DTNA: variants seen among roughly 807,000 people sequenced by gnomAD.
DTNA encodes the protein dystrobrevin alpha.
DTNA carries 43 observed loss-of-function variants against 100.7 expected under a neutral mutation model. The observed-to-expected ratio is 0.43, with a 90% CI of 0.33 to 0.55. The LOEUF is 0.55. DTNA is among the 20% of genes least tolerant of loss of function. DTNA has a pLI of 0.04. For missense variants in DTNA, 798 were observed against 953.9 expected (o/e 0.84, Z 2.15); for synonymous variants, 349 against 347.9 (o/e 1.00, Z -0.04).
chr18:34,710,042 ATTAG>A (rs532145172), upstream of DTNA, among the ~76,000 whole-genome samples: 342 of 152,310 alleles, frequency 2.2e-3, no homozygotes, highest in African/African-American at 7.9e-3. Context: ...GAGATATTTC[ATTAG>A]TTAGTTGGGA....
Position 34,887,829 on chromosome 18 carries a change from G to A in DTNA, c.*95G>A. The A allele has an allele frequency of 1.0e-6, 1 of 986,108 alleles. No homozygotes were observed. Among genetic ancestry groups the A allele is most frequent in the Non-Finnish European group, 1.2e-6 (1 of 830,036 alleles). The allele number at this position is 986,108 out of a possible 1,614,324, so 61.1% of individuals were successfully genotyped here. Reference sequence around the variant, plus strand: ...AACTGGTGATGATGGAGAGCCCTGTGGCCACACAGAGGAGGAAGACAGCAG... The same window carrying A: ...AACTGGTGATGATGGAGAGCCCTGTAGCCACACAGAGGAGGAAGACAGCAG... On this transcript the variant is annotated 3_prime_UTR_variant, in exon 23 of 23. Transcript: ENST00000444659.
intron 1 of DTNA, among the ~76,000 whole-genome samples, chr18:34,697,186 A>C (rs765107051): frequency 1.3e-5 from 2 of 152,162 alleles, no homozygotes; most frequent in Non-Finnish European, 2.9e-5. Context: ...TTGAATCTCC[A>C]CCACCATTCC....
chr18:34,776,873 C>T lies in DTNA; in HGVS notation c.148+10832C>T, dbSNP rs373276317. Among the ~76,000 whole-genome samples, 28 of 152,328 alleles carry T rather than the reference C, an allele frequency of 1.8e-4. No homozygotes were observed. In the East Asian group the frequency reaches 3.5e-3, roughly 19 times the overall value. On this transcript the variant is annotated intron_variant, in intron 3 of 22. Coordinates refer to ENST00000444659, the MANE Select transcript of DTNA (RefSeq NM_001386795.1). ...GTTACTCTGTTCCATCCACCATTGG[C>T]CTCCTTACTTCACTGGGAACATACC...
intron 3 of DTNA, among the ~76,000 whole-genome samples, chr18:34,767,069 G>A (rs530604189): frequency 9.2e-5 from 14 of 151,928 alleles, no homozygotes; most frequent in South Asian, 4.2e-4. Flanking sequence ...GTGTAAGAAC[G>A]TTTTCTTTTC....
At chr18:34,854,667 A>G (rs563988096) in intron 15 of DTNA, among the ~76,000 whole-genome samples, 1 of 152,292 alleles carries the variant, frequency 6.6e-6, no homozygotes, top group South Asian at 2.1e-4. Context: ...ATCATTCCAT[A>G]ATCCCTTCTC....
intron 1 of DTNA, among the ~76,000 whole-genome samples, chr18:34,505,582 G>A (rs1247420004): frequency 1.3e-5 from 2 of 151,574 alleles, no homozygotes; most frequent in Admixed American, 1.3e-4. Flanking sequence ...CTATCTTGTA[G>A]CTCCCATGTT....
chr18:34,606,176 T>G (rs1281005082), intron 1 of DTNA, among the ~76,000 whole-genome samples: 1 of 152,132 alleles, frequency 6.6e-6, no homozygotes, highest in Non-Finnish European at 1.5e-5. Context: ...TTTGCATGCA[T>G]TATTTTGACA....
intron 1 of DTNA, among the ~76,000 whole-genome samples, chr18:34,577,723 A>C (rs1483889311): frequency 6.6e-6 from 1 of 152,222 alleles, no homozygotes; most frequent in Non-Finnish European, 1.5e-5. Context: ...GACTTAGAAT[A>C]GTAGTCTCTC....
At chr18:34,720,462 C>T (rs185879660) in intron 1 of DTNA, among the ~76,000 whole-genome samples, 1 of 152,212 alleles carries the variant, frequency 6.6e-6, no homozygotes, top group Admixed American at 6.5e-5. Flanking sequence ...ACAGGTAAGG[C>T]AGAGGAGCTT....
At chr18:34,567,596 C>G (rs1405877398) in intron 1 of DTNA, among the ~76,000 whole-genome samples, 2 of 151,998 alleles carry the variant, frequency 1.3e-5, no homozygotes, top group African/African-American at 4.8e-5. Context: ...CTTATAATAA[C>G]TGATAACCTA....
chr18:34,758,750 G>A (rs536541129), intron 2 of DTNA, among the ~76,000 whole-genome samples: 1 of 152,294 alleles, frequency 6.6e-6, no homozygotes, highest in African/African-American at 2.4e-5. Flanking sequence ...GTTTTCTAAA[G>A]TAAATGCTGT....
chr18:34,713,157 A>G (rs1217799189), intron 1 of DTNA, among the ~76,000 whole-genome samples: 4 of 152,148 alleles, frequency 2.6e-5, no homozygotes, highest in African/African-American at 9.6e-5. Flanking sequence ...CATGATCATG[A>G]TGATAATGAT....
chr18:34,757,945 A>C (rs971906337), intron 2 of DTNA, among the ~76,000 whole-genome samples: 1 of 152,212 alleles, frequency 6.6e-6, no homozygotes, highest in Non-Finnish European at 1.5e-5. Context: ...TCTGACCTTA[A>C]TAATTCATTA....
chr18:34,597,284 C>G (rs2050826766), intron 1 of DTNA, among the ~76,000 whole-genome samples: 1 of 152,158 alleles, frequency 6.6e-6, no homozygotes, highest in African/African-American at 2.4e-5. Context: ...CCTTCACTCT[C>G]AGAAGTTGAT....
chr18:34,656,697 C>T (rs1345712989), intron 1 of DTNA, among the ~76,000 whole-genome samples: 1 of 151,956 alleles, frequency 6.6e-6, no homozygotes, highest in Non-Finnish European at 1.5e-5. Flanking sequence ...ATACAGGATT[C>T]GTTATTTAAA....
intron 1 of DTNA, among the ~76,000 whole-genome samples, chr18:34,554,668 G>A (rs1470993086): frequency 6.7e-6 from 1 of 149,146 alleles, no homozygotes; most frequent in Non-Finnish European, 1.5e-5. Flanking sequence ...TTTATATGCT[G>A]GATTACATTT....
At chr18:34,630,327 A>C (rs1203783887) in intron 1 of DTNA, among the ~76,000 whole-genome samples, 1 of 152,118 alleles carries the variant, frequency 6.6e-6, no homozygotes, top group African/African-American at 2.4e-5. Context: ...TGAATAACCC[A>C]ATTCTCCTGA....
At chr18:34,762,829 C>T (rs2093263943) in intron 2 of DTNA, among the ~76,000 whole-genome samples, 1 of 152,182 alleles carries the variant, frequency 6.6e-6, no homozygotes, top group Admixed American at 6.5e-5. Context: ...AGACCTCTTC[C>T]TGATTCTTGA....
chr18:34,577,228 C>G (rs1299021466), intron 1 of DTNA, among the ~76,000 whole-genome samples: 2 of 152,152 alleles, frequency 1.3e-5, no homozygotes. Flanking sequence ...CTCTCTTTAT[C>G]TCTGATAACA....
Sources: allele counts gnomAD v4.1 joint callset (sites outside exome capture counted in the v4.1 genomes callset), GRCh38; gene constraint gnomAD v4.1.1; transcripts MANE v1.5; gene names NCBI Gene and HGNC (gene_info 2026-07-23, HGNC 2026-07-21).